The following ALOX5 variants were observed in gnomAD, a reference collection of about 807,000 sequenced individuals.
The protein encoded by ALOX5 is polyunsaturated fatty acid 5-lipoxygenase.
In ALOX5, 64 loss-of-function variants were observed where a neutral mutation model predicts 87.9. The observed-to-expected ratio is 0.73, with a 90% CI of 0.60 to 0.90. The LOEUF is 0.90. Ranked by LOEUF, ALOX5 falls within the 40% of genes least tolerant of loss-of-function variation. The pLI is 0.00. For missense variants in ALOX5, 822 were observed against 907.5 expected (o/e 0.91, Z 1.21); for synonymous variants, 388 against 355.1 (o/e 1.09, Z -1.04).
chr10:45,414,581 G>A (rs1841199590), intron 4 of ALOX5, among the ~76,000 whole-genome samples: 1 of 151,330 alleles, frequency 6.6e-6, no homozygotes, highest in Admixed American at 6.6e-5. Context: ...AGCCAAAATG[G>A]ACAAATGGGA....
chr10:45,408,142 C>G (rs1489336331), intron 3 of ALOX5, among the ~76,000 whole-genome samples: 1 of 152,168 alleles, frequency 6.6e-6, no homozygotes, highest in East Asian at 1.9e-4. Flanking sequence ...CTGTATCTGG[C>G]TTTCATGTCT....
In ALOX5 at chr10:45,395,955, T is replaced by C; in HGVS notation, c.431+19T>C. Reference sequence around the variant, plus strand: ...AATATCGGTGAGTTATGACATCAGATCGAGTGGCCACGGGGCCATGGTTTC... The same window carrying C: ...AATATCGGTGAGTTATGACATCAGACCGAGTGGCCACGGGGCCATGGTTTC... On this transcript the variant is annotated intron_variant, in intron 3 of 13. Coordinates refer to ENST00000374391, the MANE Select transcript of ALOX5 (RefSeq NM_000698.5). 6.2e-7 allele frequency: 1 copy of C among 1,611,782 alleles called. No homozygotes were observed. Among genetic ancestry groups the C allele is most frequent in the Non-Finnish European group, 8.5e-7 (1 of 1,177,810 alleles).
chr10:45,441,596 T>C (rs1185056914), intron 9 of ALOX5, 166 bp downstream of exon 9: 4 of 630,874 alleles, frequency 6.3e-6, no homozygotes, highest in Non-Finnish European at 1.1e-5. Flanking sequence ...GCCCGTGCCA[T>C]TCAGCCAGGA....
intron 3 of ALOX5, among the ~76,000 whole-genome samples, chr10:45,402,696 T>G (rs757836901): frequency 5.3e-5 from 8 of 152,282 alleles, no homozygotes; most frequent in Non-Finnish European, 1.0e-4. Context: ...TTTGCCTCCC[T>G]CAAGATAAGG....
intron 2 of ALOX5, among the ~76,000 whole-genome samples, chr10:45,392,364 G>A (rs1339859806): frequency 2.0e-5 from 3 of 151,918 alleles, no homozygotes; most frequent in Non-Finnish European, 4.4e-5. Context: ...TCTGTACTAA[G>A]AAAAATTCTT....
intron 3 of ALOX5, among the ~76,000 whole-genome samples, chr10:45,407,321 C>G (rs542939210): frequency 1.4e-4 from 22 of 152,210 alleles, no homozygotes; most frequent in African/African-American, 4.8e-4. Context: ...TTCCTTCTCT[C>G]TGTCTCTGTT....
intron 1 of ALOX5, among the ~76,000 whole-genome samples, chr10:45,379,722 A>G (rs1036836312): frequency 6.6e-6 from 1 of 152,098 alleles, no homozygotes; most frequent in East Asian, 1.9e-4. Context: ...GCCACCCAGG[A>G]TGGTGTCATT....
chr10:45,444,483 G>C, intron 13 of ALOX5, 197 bp downstream of exon 13: 1 of 695,414 alleles, frequency 1.4e-6, no homozygotes, highest in South Asian at 2.2e-5. Context: ...AGGGTGTGCA[G>C]GGCAGGAGAG....
chr10:45,384,907 A>C (rs1022198790), intron 2 of ALOX5, among the ~76,000 whole-genome samples: 1 of 151,996 alleles, frequency 6.6e-6, no homozygotes, highest in Non-Finnish European at 1.5e-5. Context: ...CAGTGGCACG[A>C]TCTCAGCCCA....
chr10:45,395,760 C>A, intron 2 of ALOX5, 95 bp from the exon 3 acceptor site: 2 of 1,051,880 alleles, frequency 1.9e-6, no homozygotes, highest in Non-Finnish European at 2.9e-6. Flanking sequence ...AAGCACTCGG[C>A]ATGGGCAGGG....
chr10:45,396,977 A>G (rs776263838), intron 3 of ALOX5, among the ~76,000 whole-genome samples: 1 of 152,246 alleles, frequency 6.6e-6, no homozygotes. Context: ...GTACATAATC[A>G]TTTCAATAGA....
intron 7 of ALOX5, among the ~76,000 whole-genome samples, chr10:45,435,694 A>C (rs903204344): frequency 6.6e-6 from 1 of 152,200 alleles, no homozygotes; most frequent in Non-Finnish European, 1.5e-5. Flanking sequence ...ATGGGCACCT[A>C]GGTTGATTAC....
intron 3 of ALOX5, among the ~76,000 whole-genome samples, chr10:45,400,486 C>A (rs1840660934): frequency 6.6e-6 from 1 of 152,076 alleles, no homozygotes; most frequent in Admixed American, 6.5e-5. Context: ...GTAATCCCAG[C>A]TGCTTGGGAG....
At chr10:45,414,143 CA>C (rs1289470054) in intron 4 of ALOX5, among the ~76,000 whole-genome samples, 1 of 152,138 alleles carries the variant, frequency 6.6e-6, no homozygotes, top group Non-Finnish European at 1.5e-5. Flanking sequence ...AATCCTAAGC[CA>C]AAAGAACAGA....
intron 7 of ALOX5, among the ~76,000 whole-genome samples, chr10:45,429,557 C>T: frequency 6.6e-6 from 1 of 152,206 alleles, no homozygotes; most frequent in East Asian, 1.9e-4. Flanking sequence ...AATCTGAAAA[C>T]TGCTGCATAT....
intron 3 of ALOX5, among the ~76,000 whole-genome samples, chr10:45,404,500 A>T (rs1840808696): frequency 6.6e-6 from 1 of 152,226 alleles, no homozygotes; most frequent in Admixed American, 6.5e-5. Context: ...AGTAAATGGC[A>T]AAGTGTAGGT....
intron 1 of ALOX5, among the ~76,000 whole-genome samples, chr10:45,378,252 C>T (rs1588975077): frequency 6.6e-6 from 1 of 152,000 alleles, no homozygotes; most frequent in South Asian, 2.1e-4. Flanking sequence ...GGGTACAAAC[C>T]AGGGCTCAAA....
intron 4 of ALOX5, among the ~76,000 whole-genome samples, chr10:45,422,904 A>T (rs1564437980): frequency 6.6e-6 from 1 of 152,186 alleles, no homozygotes; most frequent in Non-Finnish European, 1.5e-5. Flanking sequence ...CAGCTTGCAG[A>T]TGTCTCTGTG....
intron 7 of ALOX5, among the ~76,000 whole-genome samples, chr10:45,433,696 A>G (rs1045342117): frequency 1.3e-4 from 20 of 152,242 alleles, no homozygotes; most frequent in African/African-American, 4.6e-4. Flanking sequence ...GGTCATAGGT[A>G]GATTCAAAAA....
Sources: gnomAD v4.1 joint callset for allele counts (sites outside exome capture counted in the v4.1 genomes callset) on GRCh38, gnomAD v4.1.1 for gene constraint, MANE v1.5 for transcripts, NCBI Gene and HGNC (gene_info 2026-07-23, HGNC 2026-07-21) for gene names.